The following AGBL1 variants were observed in gnomAD, a reference collection of about 807,000 sequenced individuals.
AGBL1 encodes AGBL carboxypeptidase 1.
Under a neutral mutation model 118.9 loss-of-function variants are expected in AGBL1, and 130 were observed. The observed-to-expected ratio is 1.09, with a 90% CI of 0.95 to 1.26. AGBL1 has a LOEUF of 1.26. Among genes scored for constraint, AGBL1 ranks in the 50% most tolerant of loss-of-function variants. The probability of loss-of-function intolerance (pLI) is 0.00; values close to 1 mark genes in which losing one functional copy is unlikely to be tolerated. For synonymous variants in AGBL1, 555 were observed against 478.9 expected, an observed-to-expected ratio of 1.16 and a Z score of -2.08; for missense variants, 1,584 against 1,298.1, an observed-to-expected ratio of 1.22 and a Z score of -3.38.
At chr15:86,641,950 C>T (rs1567098590) in intron 21 of AGBL1, among the ~76,000 whole-genome samples, 3 of 152,198 alleles carry the variant, frequency 2.0e-5, no homozygotes, top group Non-Finnish European at 4.4e-5. Context: ...TGTGAAAGGA[C>T]TTCAAGCCTG....
At chr15:86,956,957 T>C (rs1203017921) in intron 23 of AGBL1, among the ~76,000 whole-genome samples, 12 of 151,942 alleles carry the variant, frequency 7.9e-5, no homozygotes, top group Admixed American at 2.0e-4. Context: ...TAAAACGGTA[T>C]AGATTGTTGA....
intron 18 of AGBL1, among the ~76,000 whole-genome samples, chr15:86,489,616 A>G (rs2082754589): frequency 1.3e-5 from 2 of 152,132 alleles, no homozygotes; most frequent in Admixed American, 6.6e-5. Flanking sequence ...AATCTGTCCT[A>G]TCCCCTATTT....
At chr15:86,639,911 C>T (rs2085163442) in intron 21 of AGBL1, among the ~76,000 whole-genome samples, 2 of 152,080 alleles carry the variant, frequency 1.3e-5, no homozygotes, top group Admixed American at 1.3e-4. Flanking sequence ...GAAAGCTTGT[C>T]CTTATCTTCT....
chr15:86,771,925 A>G (rs910646108), intron 22 of AGBL1, among the ~76,000 whole-genome samples: 2 of 152,008 alleles, frequency 1.3e-5, no homozygotes, highest in South Asian at 2.1e-4. Context: ...GGGTGTTTAC[A>G]TATAGCAGCC....
chr15:86,818,248 G>A (rs749011793), intron 22 of AGBL1, among the ~76,000 whole-genome samples: 11 of 152,060 alleles, frequency 7.2e-5, no homozygotes, highest in African/African-American at 2.4e-4. Flanking sequence ...TATTTGTTAC[G>A]GCAGCTCTAG....
rs780685885 is a variant in AGBL1 at position 86,264,579 on chromosome 15, G to A, written c.1408G>A (p.Val470Ile). The change falls in exon 11 of 23, where the codon GTA becomes ATA. Residue 470 changes from valine (V) to isoleucine (I), a missense_variant. By Grantham distance (29) the Val-to-Ile change is conservative. Coordinates refer to ENST00000614907, the MANE Select transcript of AGBL1 (RefSeq NM_001386094.1). ...TTCCCCGAAAGCAGATGCCTGGGACGTAGATGCAATTTTCTGCCCAAGGAT... is the reference window on the plus strand; with the variant it reads ...TTCCCCGAAAGCAGATGCCTGGGACATAGATGCAATTTTCTGCCCAAGGAT... The part of the protein sequence containing the change: ...QASPKADAWD[V>I]DAIFCPRMSA... 2.9e-5 allele frequency: 46 copies of A among 1,613,934 alleles called. No homozygotes were observed. The highest frequency in any genetic ancestry group is 6.6e-5 in the South Asian group (6 of 91,062).
chr15:86,354,309 C>T (rs1040654157), intron 17 of AGBL1, among the ~76,000 whole-genome samples: 6 of 152,116 alleles, frequency 3.9e-5, no homozygotes, highest in South Asian at 2.1e-4. Context: ...CTAAGGCATT[C>T]GATGGTTCAT....
chr15:86,436,175 C>T (rs920348054), intron 18 of AGBL1, among the ~76,000 whole-genome samples: 7 of 148,046 alleles, frequency 4.7e-5, no homozygotes, highest in East Asian at 4.0e-4. Context: ...ATTGTCTTAC[C>T]GCTCTCTGTG....
At chr15:86,518,358 C>T (rs753417327) in intron 18 of AGBL1, among the ~76,000 whole-genome samples, 7 of 152,030 alleles carry the variant, frequency 4.6e-5, no homozygotes, top group Non-Finnish European at 8.8e-5. Context: ...AATTATTTTT[C>T]GTGGCATCAT....
intron 21 of AGBL1, among the ~76,000 whole-genome samples, chr15:86,635,266 C>A (rs1486160338): frequency 4.9e-5 from 4 of 81,340 alleles, no homozygotes; most frequent in East Asian, 5.0e-4. Context: ...CCCTCCCCCT[C>A]CTCCTCCTCC....
intron 22 of AGBL1, among the ~76,000 whole-genome samples, chr15:86,701,233 A>G (rs766291389): frequency 3.3e-5 from 5 of 152,062 alleles, no homozygotes; most frequent in Non-Finnish European, 7.4e-5. Context: ...TATCACAGAG[A>G]AGGAGACAAG....
At chr15:87,029,430 C>G (rs555022074), downstream of AGBL1, among the ~76,000 whole-genome samples, 9 of 151,920 alleles carry the variant, frequency 5.9e-5, no homozygotes, top group African/African-American at 2.2e-4. Flanking sequence ...CTTTGATGTG[C>G]TAATACTTTA....
intron 18 of AGBL1, among the ~76,000 whole-genome samples, chr15:86,414,507 C>T (rs1596084942): frequency 6.6e-6 from 1 of 152,110 alleles, no homozygotes; most frequent in African/African-American, 2.4e-5. Flanking sequence ...TTAATGGCTT[C>T]TGCAGGACGC....
At chr15:86,671,818 G>C (rs2085751611) in intron 21 of AGBL1, among the ~76,000 whole-genome samples, 1 of 152,150 alleles carries the variant, frequency 6.6e-6, no homozygotes, top group South Asian at 2.1e-4. Context: ...CACTCATTTA[G>C]AGTCGCTATT....
At chr15:86,316,233 ACT>A (rs754972564) in intron 17 of AGBL1, among the ~76,000 whole-genome samples, 1 of 151,988 alleles carries the variant, frequency 6.6e-6, no homozygotes, top group Non-Finnish European at 1.5e-5. Flanking sequence ...AATGACTGAA[ACT>A]CTGTTTCCGA....
intron 5 of AGBL1, among the ~76,000 whole-genome samples, chr15:86,172,406 C>T (rs899648893): frequency 3.3e-5 from 5 of 152,104 alleles, no homozygotes; most frequent in Non-Finnish European, 5.9e-5. Context: ...AAATAGATAT[C>T]GTTGTTACCT....
intron 5 of AGBL1, among the ~76,000 whole-genome samples, chr15:86,199,680 C>G (rs563722485): frequency 4.6e-5 from 7 of 152,154 alleles, no homozygotes; most frequent in African/African-American, 1.7e-4. Flanking sequence ...CTTCTAGCTA[C>G]GTGGCTTGAA....
At chr15:86,688,709 C>T (rs183576416) in intron 22 of AGBL1, among the ~76,000 whole-genome samples, 10 of 152,154 alleles carry the variant, frequency 6.6e-5, no homozygotes, top group East Asian at 3.9e-4. Flanking sequence ...TTTAACGAGG[C>T]GGGCACAATT....
In AGBL1 at chr15:86,460,941, C is replaced by CA. The variant is rs546583066; in HGVS notation, c.2556-61868dup. Among the ~76,000 whole-genome samples the CA allele has an allele frequency of 2.9e-4, 44 of 152,270 alleles. No homozygotes were observed. In the South Asian group the frequency reaches 7.0e-3, roughly 24 times the overall value. Reference sequence around the variant, plus strand: ...CATTTTGTTTCCGTTGAATTTGACCCATGTGAGAGAACTGGCGGTTCAGTA... The same window carrying CA: ...CATTTTGTTTCCGTTGAATTTGACCCAATGTGAGAGAACTGGCGGTTCAGTA... On this transcript the variant is annotated intron_variant, in intron 18 of 22. Transcript: ENST00000614907.
Sources: allele counts gnomAD v4.1 joint callset (sites outside exome capture counted in the v4.1 genomes callset), GRCh38; gene constraint gnomAD v4.1.1; transcripts MANE v1.5; gene names NCBI Gene and HGNC (gene_info 2026-07-23, HGNC 2026-07-21).